Variants in GJB7 observed in about 807,000 individuals in gnomAD.
The protein encoded by GJB7 is gap junction beta-7 protein.
For missense variants in GJB7, 253 were observed against 256.8 expected, an observed-to-expected ratio of 0.99 and a Z score of 0.10; for synonymous variants, 87 against 95.2, an observed-to-expected ratio of 0.91 and a Z score of 0.50.
rs1320871488 is a variant in GJB7 at position 87,284,294 on chromosome 6, T to C, written c.619A>G (p.Ile207Val). Residue 207 changes from isoleucine to valine, a missense_variant, in exon 3 of 3, where the codon ATT becomes GTT. Coordinates refer to ENST00000525899, the MANE Select transcript of GJB7 (RefSeq NM_198568.3). ...ELSFLVLKCF[I>V]KCCLQKYLKK... is the part of the protein sequence containing the mutation. Reference sequence around the variant, plus strand: ...AAATATTTTTGGAGACAGCACTTAATAAAGCACTTGAGAACCAAAAAACTC... The same window carrying C: ...AAATATTTTTGGAGACAGCACTTAACAAAGCACTTGAGAACCAAAAAACTC... 1 of 1,614,032 alleles carries C rather than the reference T, an allele frequency of 6.2e-7. No homozygotes were observed. Among genetic ancestry groups the C allele is most frequent in the East Asian group, 2.2e-5 (1 of 44,868 alleles).
intron 2 of GJB7, among the ~76,000 whole-genome samples, chr6:87,317,892 G>A (rs1776605369): frequency 6.6e-6 from 1 of 151,932 alleles, no homozygotes; most frequent in Non-Finnish European, 1.5e-5. Context: ...TTTTTCAAAA[G>A]AAGAACAGTT....
chr6:87,308,240 G>A (rs903007569), intron 2 of GJB7, among the ~76,000 whole-genome samples: 1 of 150,258 alleles, frequency 6.7e-6, no homozygotes, highest in African/African-American at 2.4e-5. Flanking sequence ...GTCGGGGGAG[G>A]GGGGAGGGAT....
intron 2 of GJB7, among the ~76,000 whole-genome samples, chr6:87,302,147 C>A (rs547054115): frequency 4.6e-5 from 7 of 152,336 alleles, no homozygotes; most frequent in African/African-American, 1.4e-4. Flanking sequence ...GAATGCAGCT[C>A]CTCACCAGCA....
chr6:87,300,083 C>G lies in GJB7; in HGVS notation c.-27-15144G>C, dbSNP rs190591688. Reference sequence around the variant, plus strand: ...GGCATTGCTCTGGGAGGGGGTTGTGCCTTGCTCCAGTGCACTTGAGCCTTG... The same window carrying G: ...GGCATTGCTCTGGGAGGGGGTTGTGGCTTGCTCCAGTGCACTTGAGCCTTG... On this transcript the variant is annotated intron_variant, in intron 2 of 2. Transcript: ENST00000525899. The G allele has an allele frequency of 3.7e-3, 1,209 of 322,642 alleles. 4 individuals carry two copies. Among genetic ancestry groups the G allele is most frequent in the Non-Finnish European group, 5.9e-3 (975 of 165,606 alleles). The allele number at this position is 322,642 out of a possible 1,614,324, so 20.0% of individuals were successfully genotyped here.
chr6:87,298,607 A>C (rs2127901742), intron 2 of GJB7, among the ~76,000 whole-genome samples: 1 of 152,320 alleles, frequency 6.6e-6, no homozygotes, highest in South Asian at 2.1e-4. Context: ...AAAACAAAAA[A>C]ATACTTCTCA....
intron 2 of GJB7, among the ~76,000 whole-genome samples, chr6:87,305,306 C>CTGA (rs1776406701): frequency 6.6e-6 from 1 of 151,948 alleles, no homozygotes; most frequent in Non-Finnish European, 1.5e-5. Flanking sequence ...TCTCCTTAAG[C>CTGA]TGATAAGCAA....
intron 1 of GJB7, among the ~76,000 whole-genome samples, chr6:87,324,469 G>A (rs1490898558): frequency 1.3e-5 from 2 of 150,468 alleles, no homozygotes; most frequent in East Asian, 3.9e-4. Flanking sequence ...AAGGGATCCA[G>A]TTTCAGCTTT....
chr6:87,328,739 A>G (rs1158798722), intron 1 of GJB7, among the ~76,000 whole-genome samples: 1 of 152,198 alleles, frequency 6.6e-6, no homozygotes, highest in Admixed American at 6.5e-5. Flanking sequence ...GGTGGAGCCT[A>G]CAGAGGCAGG....
intron 2 of GJB7, among the ~76,000 whole-genome samples, chr6:87,302,586 C>A (rs1243828370): frequency 6.6e-6 from 1 of 152,130 alleles, no homozygotes; most frequent in Non-Finnish European, 1.5e-5. Context: ...AGAATGGAAC[C>A]AAGTTGGAAA....
chr6:87,321,699 C>T (rs948031969), intron 2 of GJB7, among the ~76,000 whole-genome samples: 2 of 152,122 alleles, frequency 1.3e-5, no homozygotes, highest in African/African-American at 4.8e-5. Flanking sequence ...GAAAGAACCA[C>T]CTGAGGCTGG....
rs1006760346 is a variant in GJB7 at position 87,284,855 on chromosome 6, T to G, written c.58A>C (p.Thr20Pro). The G allele has an allele frequency of 6.2e-7, 1 of 1,613,892 alleles. No homozygotes were observed. Among genetic ancestry groups the G allele is most frequent in the Admixed American group, 1.7e-5 (1 of 59,998 alleles). Residue 20 changes from threonine to proline, a missense_variant, in exon 3 of 3, where the codon ACT becomes CCT. Physicochemically the swap from Thr to Pro is conservative, Grantham distance 38. Transcript: ENST00000525899. ...ACGACAGCCAGCCAAATCCATCCAG[T>G]CCCAGTGGAGTATTTATTTACTCCA... The part of the protein sequence containing the change: ...LSGVNKYSTG[T>P]GWIWLAVVFV...
chr6:87,288,706 C>T (rs1367430502), intron 2 of GJB7, among the ~76,000 whole-genome samples: 1 of 152,248 alleles, frequency 6.6e-6, no homozygotes, highest in East Asian at 1.9e-4. Flanking sequence ...AAGCCAGAAA[C>T]TTGGAAGTCA....
intron 2 of GJB7, among the ~76,000 whole-genome samples, chr6:87,309,250 G>A (rs1776480795): frequency 2.0e-5 from 3 of 152,232 alleles, no homozygotes; most frequent in Admixed American, 2.0e-4. Context: ...CCAGGTACGT[G>A]TTTAGCTTTG....
intron 2 of GJB7, among the ~76,000 whole-genome samples, chr6:87,296,041 C>A (rs1776245604): frequency 6.6e-6 from 1 of 152,216 alleles, no homozygotes; most frequent in African/African-American, 2.4e-5. Context: ...ATATTTCACT[C>A]TTCAGCGTTT....
chr6:87,291,059 GACAA>G (rs1434580808), intron 2 of GJB7, among the ~76,000 whole-genome samples: 1 of 152,136 alleles, frequency 6.6e-6, no homozygotes, highest in Non-Finnish European at 1.5e-5. Flanking sequence ...AGTGGTAGAC[GACAA>G]ACAAGCCATT....
chr6:87,284,344 C>T lies in GJB7; in HGVS notation c.569G>A (p.Cys190Tyr), dbSNP rs2127895099. The T allele has an allele frequency of 6.2e-7, 1 of 1,614,068 alleles. No homozygotes were observed. The highest frequency in any genetic ancestry group is 2.2e-5 in the East Asian group (1 of 44,884). ...CAGTTCAATGAAATTCAACACAATA[C>T]ACAAGCATGAGGTGATGACCAAGAA... ...ILFLVITSCLCIVLNFIELSF... is the reference protein window; with the variant it reads ...ILFLVITSCLYIVLNFIELSF... The change falls in exon 3 of 3, where the codon TGT becomes TAT. Residue 190 changes from cysteine (C) to tyrosine (Y), a missense_variant. By Grantham distance (194) the Cys-to-Tyr change is radical. Transcript: ENST00000525899.
At chr6:87,306,944 T>C (rs1776437755) in intron 2 of GJB7, among the ~76,000 whole-genome samples, 1 of 152,084 alleles carries the variant, frequency 6.6e-6, no homozygotes, top group African/African-American at 2.4e-5. Flanking sequence ...AAACGCTGCA[T>C]ATTCTCACTC....
At chr6:87,325,177 G>C (rs1776786327) in intron 1 of GJB7, among the ~76,000 whole-genome samples, 1 of 152,114 alleles carries the variant, frequency 6.6e-6, no homozygotes, top group South Asian at 2.1e-4. Context: ...CTGAGACAAT[G>C]GGGTTTTCTA....
intron 1 of GJB7, among the ~76,000 whole-genome samples, chr6:87,324,961 A>C (rs945117120): frequency 6.6e-6 from 1 of 152,014 alleles, no homozygotes; most frequent in African/African-American, 2.4e-5. Flanking sequence ...AGTGGTTTGT[A>C]GTTCTCCTTG....
Sources: allele counts gnomAD v4.1 joint callset (sites outside exome capture counted in the v4.1 genomes callset), GRCh38; gene constraint gnomAD v4.1.1; transcripts MANE v1.5; gene names NCBI Gene and HGNC (gene_info 2026-07-23, HGNC 2026-07-21).